The following MRTFA variants were observed in gnomAD, a reference collection of about 807,000 sequenced individuals.
MRTFA encodes myocardin-related transcription factor A.
Under a neutral mutation model 83.5 loss-of-function variants are expected in MRTFA, and 20 were observed. The observed-to-expected ratio is 0.24, with a 90% CI of 0.17 to 0.35. The LOEUF is 0.35. Among genes scored for constraint, MRTFA ranks in the 10% least tolerant of loss-of-function variants. The pLI, the probability that MRTFA is intolerant of heterozygous loss-of-function variation, is 1.00. For synonymous variants in MRTFA, 659 were observed against 541.2 expected (o/e 1.22, Z -3.02); for missense variants, 1,200 against 1,224.7 (o/e 0.98, Z 0.30).
intron 1 of MRTFA, among the ~76,000 whole-genome samples, chr22:40,635,465 G>A (rs539170728): frequency 6.6e-6 from 1 of 152,314 alleles, no homozygotes; most frequent in East Asian, 1.9e-4. Context: ...AACATACGAA[G>A]CATGGGGTAA....
chr22:40,535,295 T>C (rs144182408), intron 3 of MRTFA, among the ~76,000 whole-genome samples: 1 of 151,790 alleles, frequency 6.6e-6, no homozygotes, highest in South Asian at 2.1e-4. Flanking sequence ...GAAGATTGAG[T>C]CATTCCTTGG....
chr22:40,545,325 C>CA (rs1426244821), intron 3 of MRTFA, among the ~76,000 whole-genome samples: 1 of 152,124 alleles, frequency 6.6e-6, no homozygotes, highest in Non-Finnish European at 1.5e-5. Context: ...TTGGGTTAGC[C>CA]AAAGGCACCT....
At chr22:40,504,320 A>G (rs867093877) in intron 3 of MRTFA, among the ~76,000 whole-genome samples, 5 of 152,320 alleles carry the variant, frequency 3.3e-5, no homozygotes, top group African/African-American at 9.6e-5. Context: ...TCAAGGCTGT[A>G]CTAAGCTATG....
chr22:40,512,902 T>C (rs2054690947), intron 3 of MRTFA, among the ~76,000 whole-genome samples: 2 of 152,260 alleles, frequency 1.3e-5, no homozygotes, highest in Admixed American at 6.5e-5. Context: ...TGATCCATCT[T>C]TATCATGATT....
At chr22:40,494,545 C>T (rs1274530632) in intron 3 of MRTFA, among the ~76,000 whole-genome samples, 1 of 151,930 alleles carries the variant, frequency 6.6e-6, no homozygotes, top group Non-Finnish European at 1.5e-5. Context: ...GCCAGGTATA[C>T]TGGTGTGCAC....
chr22:40,523,485 G>A (rs924769166), intron 3 of MRTFA: 1 of 152,182 alleles, frequency 6.6e-6, no homozygotes, highest in Non-Finnish European at 1.5e-5. Flanking sequence ...GACTACAGGT[G>A]TGTATCACCA....
intron 2 of MRTFA, among the ~76,000 whole-genome samples, chr22:40,572,784 T>A (rs997902389): frequency 8.5e-5 from 13 of 152,250 alleles, no homozygotes; most frequent in Admixed American, 7.2e-4. Flanking sequence ...AACTCCCGTT[T>A]CTAAAACCAT....
intron 3 of MRTFA, among the ~76,000 whole-genome samples, chr22:40,507,917 C>G (rs1407940557): frequency 8.3e-6 from 1 of 121,048 alleles, no homozygotes; most frequent in Non-Finnish European, 1.6e-5. Flanking sequence ...GAGCCGAGAT[C>G]AAGCCACTGC....
chr22:40,465,396 C>T (rs2053796771), intron 3 of MRTFA, among the ~76,000 whole-genome samples: 1 of 152,138 alleles, frequency 6.6e-6, no homozygotes, highest in South Asian at 2.1e-4. Context: ...TATTATTTTA[C>T]AAATTACCAT....
At chr22:40,536,129 A>G (rs891421591) in intron 3 of MRTFA, among the ~76,000 whole-genome samples, 1 of 141,372 alleles carries the variant, frequency 7.1e-6, no homozygotes, top group African/African-American at 2.6e-5. Context: ...CATCTCTACC[A>G]AAAAAAAAAA....
chr22:40,538,480 T>A (rs2055228327), intron 3 of MRTFA, among the ~76,000 whole-genome samples: 1 of 150,356 alleles, frequency 6.7e-6, no homozygotes, highest in Admixed American at 6.7e-5. Flanking sequence ...CTTTGTTCAC[T>A]TGTTTATCTG....
chr22:40,614,206 A>T lies in MRTFA; in HGVS notation c.-83-19471T>A, dbSNP rs554904181. ...AACAAGAGCAGAACTCTGTCTCAAA[A>T]AAATAAATAAATAAATAAATAAATA... On this transcript the variant is annotated intron_variant, in intron 1 of 14. Transcript: ENST00000355630. 4.0e-4 allele frequency among the ~76,000 whole-genome samples: 61 copies of T among 151,462 alleles called. 1 individual carries two copies. Among genetic ancestry groups the T allele is most frequent in the Non-Finnish European group, 1.6e-4 (11 of 67,834 alleles).
Position 40,420,628 on chromosome 22 carries a change from G to A in MRTFA, c.1182-52C>T, listed in dbSNP as rs778174420. 3.1e-6 allele frequency: 5 copies of A among 1,591,528 alleles called. No individual in the cohort carries two copies. The South Asian group carries it at 4.6e-5, about 15-fold the overall frequency. On this transcript the variant is annotated intron_variant, in intron 10 of 14. Coordinates refer to ENST00000355630, the MANE Select transcript of MRTFA (RefSeq NM_020831.6). ...CCATCCAGCTTCGCCCGTGGCCTCT[G>A]CAGGTGGCAGCCCAAGCCTGGGCAG...
intron 3 of MRTFA, among the ~76,000 whole-genome samples, chr22:40,464,667 A>T (rs1014074212): frequency 6.6e-6 from 1 of 152,088 alleles, no homozygotes; most frequent in African/African-American, 2.4e-5. Flanking sequence ...AATCATCTTA[A>T]TATCTGCCTT....
At chr22:40,615,204 C>T (rs1275099296) in intron 1 of MRTFA, among the ~76,000 whole-genome samples, 1 of 152,188 alleles carries the variant, frequency 6.6e-6, no homozygotes, top group Non-Finnish European at 1.5e-5. Context: ...CATTTCTTTA[C>T]ATACAAATAT....
At chr22:40,542,142 GATA>G (rs1226135281) in intron 3 of MRTFA, among the ~76,000 whole-genome samples, 2 of 151,146 alleles carry the variant, frequency 1.3e-5, no homozygotes, top group African/African-American at 4.8e-5. Flanking sequence ...TCCCTCCACT[GATA>G]TACTGGTACT....
chr22:40,452,066 C>T (rs2053502750), intron 4 of MRTFA, among the ~76,000 whole-genome samples: 1 of 145,002 alleles, frequency 6.9e-6, no homozygotes, highest in Admixed American at 6.9e-5. Flanking sequence ...TCACTGCCAC[C>T]TCTGCCTCCC....
intron 2 of MRTFA, among the ~76,000 whole-genome samples, chr22:40,572,743 G>A (rs1251553602): frequency 6.6e-6 from 1 of 152,194 alleles, no homozygotes; most frequent in Non-Finnish European, 1.5e-5. Context: ...TACATGGATG[G>A]CAGCAGGCAA....
intron 1 of MRTFA, among the ~76,000 whole-genome samples, chr22:40,608,854 G>T (rs2056350684): frequency 6.6e-6 from 1 of 152,164 alleles, no homozygotes; most frequent in Non-Finnish European, 1.5e-5. Flanking sequence ...AACCACAGGG[G>T]CAGCACTATG....
Sources: allele counts gnomAD v4.1 joint callset (sites outside exome capture counted in the v4.1 genomes callset), GRCh38; gene constraint gnomAD v4.1.1; transcripts MANE v1.5; gene names NCBI Gene and HGNC (gene_info 2026-07-23, HGNC 2026-07-21).